Variants in CELF5 observed in about 807,000 individuals in gnomAD.
The protein encoded by CELF5 is CUGBP Elav-like family member 5.
CELF5 carries 6 observed loss-of-function variants against 54.9 expected under a neutral mutation model. The ratio of observed to expected loss-of-function variants is 0.11; its 90% confidence interval spans 0.06 to 0.22. The LOEUF (loss-of-function observed/expected upper bound fraction) is 0.22. Among genes scored for constraint, CELF5 ranks in the 10% least tolerant of loss-of-function variants. CELF5 has a pLI of 1.00. For synonymous variants in CELF5, 271 were observed against 290.9 expected, an observed-to-expected ratio of 0.93 and a Z score of 0.70; for missense variants, 401 against 678.6, an observed-to-expected ratio of 0.59 and a Z score of 4.54.
At chr19:3,270,979 C>CCCCT (rs1433541044) in intron 2 of CELF5, among the ~76,000 whole-genome samples, 1 of 151,418 alleles carries the variant, frequency 6.6e-6, no homozygotes, top group Non-Finnish European at 1.5e-5. Context: ...CCCGCGGCCG[C>CCCCT]CCCTCCCTCC....
chr19:3,237,974 A>G (rs2079440327), intron 1 of CELF5, among the ~76,000 whole-genome samples: 1 of 151,864 alleles, frequency 6.6e-6, no homozygotes, highest in African/African-American at 2.4e-5. Flanking sequence ...GCGTGAACCC[A>G]GGAGGCGGAG....
At position 3,281,288 on chromosome 19, in the gene CELF5, C is replaced by T. The variant is rs2080146781; in HGVS notation, c.693C>T (p.Gly231=). ...RRMQQMVGQL[G]ILTPSLTLPF... ...TGCAGCAGATGGTGGGCCAGCTGGG[C>T]ATCCTGACGCCGTCCCTCACATTGC... Residue 231 remains glycine (G), a synonymous_variant, in exon 6 of 13, where the codon GGC becomes GGT. Coordinates refer to ENST00000292672, the MANE Select transcript of CELF5 (RefSeq NM_021938.4). The surrounding 1 kb of genome is among the most constrained non-coding windows in gnomAD (Gnocchi z 6.5). 6.2e-7 allele frequency: 1 copy of T among 1,611,732 alleles called. No homozygotes were observed. Among genetic ancestry groups the T allele is most frequent in the Non-Finnish European group, 8.5e-7 (1 of 1,179,884 alleles).
chr19:3,277,365 C>T (rs767370550), intron 4 of CELF5, among the ~76,000 whole-genome samples: 12 of 151,982 alleles, frequency 7.9e-5, no homozygotes, highest in Non-Finnish European at 1.6e-4. Flanking sequence ...CCCAACTACT[C>T]GGGAGGTTGA....
chr19:3,232,244 G>A (rs1917304376), intron 1 of CELF5, among the ~76,000 whole-genome samples: 1 of 152,200 alleles, frequency 6.6e-6, no homozygotes, highest in Admixed American at 6.5e-5. Flanking sequence ...CAGAGCAGTT[G>A]TCAAAATTGG....
chr19:3,248,849 T>TTC (rs2079602933), intron 1 of CELF5, among the ~76,000 whole-genome samples: 3 of 132,554 alleles, frequency 2.3e-5, no homozygotes, highest in Non-Finnish European at 1.6e-5. Flanking sequence ...CTTTTTTCTT[T>TTC]CTTTCTTCCT....
intron 2 of CELF5, among the ~76,000 whole-genome samples, chr19:3,251,661 T>TG: frequency 7.5e-6 from 1 of 133,952 alleles, no homozygotes; most frequent in African/African-American, 2.7e-5. Context: ...TCTTTTTTTT[T>TG]TTTTTTTTTT....
chr19:3,271,115 C>T (rs1241669571), intron 2 of CELF5, among the ~76,000 whole-genome samples: 1 of 148,982 alleles, frequency 6.7e-6, no homozygotes, highest in African/African-American at 2.5e-5. Context: ...GGTGAATCAG[C>T]GTTGCCATGG....
chr19:3,234,085 T>G (rs1917404564), intron 1 of CELF5, among the ~76,000 whole-genome samples: 1 of 152,064 alleles, frequency 6.6e-6, no homozygotes, highest in Admixed American at 6.6e-5. Context: ...GACCCTCCAC[T>G]AGGGGGAAGG....
At chr19:3,243,943 G>A (rs1025188586) in intron 1 of CELF5, among the ~76,000 whole-genome samples, 7 of 151,946 alleles carry the variant, frequency 4.6e-5, no homozygotes, top group Non-Finnish European at 1.0e-4. Flanking sequence ...ATGACCTCAT[G>A]TTGACTAATT....
At chr19:3,285,716 T>C (rs1416614427) in intron 9 of CELF5, among the ~76,000 whole-genome samples, 2 of 75,206 alleles carry the variant, frequency 2.7e-5, no homozygotes, top group African/African-American at 5.1e-5. Context: ...CCCTCCACCA[T>C]GGCCCCGCCC....
chr19:3,234,292 T>A (rs542929791), intron 1 of CELF5, among the ~76,000 whole-genome samples: 1 of 152,186 alleles, frequency 6.6e-6, no homozygotes, highest in Admixed American at 6.5e-5. Flanking sequence ...GAGATTGGCA[T>A]CTCACTATGT....
intron 2 of CELF5, chr19:3,270,720 C>T (rs2079948498): frequency 6.6e-6 from 1 of 151,910 alleles, no homozygotes; most frequent in East Asian, 2.0e-4. Flanking sequence ...CCGCGGAGCT[C>T]GGCTTTAGAG....
At chr19:3,283,827 CATTT>C (rs1397813508) in intron 8 of CELF5, among the ~76,000 whole-genome samples, 4 of 150,464 alleles carry the variant, frequency 2.7e-5, no homozygotes, top group South Asian at 4.2e-4. Flanking sequence ...CAAATTTCAC[CATTT>C]ATTTATTTAG....
At position 3,290,563 on chromosome 19, in the gene CELF5, C is replaced by CT. The variant is rs34393788; in HGVS notation, c.1330+207dup. On this transcript the variant is annotated intron_variant, in intron 11 of 12. Transcript: ENST00000292672. ...ACTTTGTTTGTTTTGGTTTGGGTTT[C>CT]TTTTTTTTTTTTTTTTTTGAGACAG... Among the ~76,000 whole-genome samples, 396 of 126,964 alleles carry CT rather than the reference C, an allele frequency of 3.1e-3. 4 individuals carry two copies. The highest frequency in any genetic ancestry group is 8.1e-3 in the Middle Eastern group (2 of 246). The allele number at this position is 126,964 out of a possible 152,430, so 83.3% of individuals were successfully genotyped here. A position where few individuals can be genotyped will look rare whatever the true frequency, so the allele number is the denominator to read the frequency against.
intron 1 of CELF5, among the ~76,000 whole-genome samples, chr19:3,232,651 T>C (rs1313678358): frequency 4.0e-5 from 6 of 151,050 alleles, no homozygotes; most frequent in African/African-American, 1.2e-4. Flanking sequence ...GCAGTCAAAA[T>C]AGTCAACAGG....
chr19:3,272,223 G>A (rs1027192393), intron 2 of CELF5, among the ~76,000 whole-genome samples: 5 of 152,038 alleles, frequency 3.3e-5, no homozygotes, highest in African/African-American at 1.2e-4. Context: ...AAAAAAATTA[G>A]CTGGGCGTAT....
chr19:3,280,456 T>C (rs532225423), intron 5 of CELF5, among the ~76,000 whole-genome samples: 43 of 151,920 alleles, frequency 2.8e-4, no homozygotes, highest in African/African-American at 9.7e-4. Flanking sequence ...GCACCTGTAA[T>C]CCCAGCTACT....
At chr19:3,267,178 T>G (rs1458461020) in intron 2 of CELF5, among the ~76,000 whole-genome samples, 1 of 151,962 alleles carries the variant, frequency 6.6e-6, no homozygotes, top group Non-Finnish European at 1.5e-5. Context: ...AGGGGAGTGA[T>G]CCAGGTCATT....
chr19:3,259,525 C>A (rs2079778807), intron 2 of CELF5, among the ~76,000 whole-genome samples: 1 of 151,808 alleles, frequency 6.6e-6, no homozygotes, highest in Non-Finnish European at 1.5e-5. Flanking sequence ...AGAATAAGCT[C>A]CCGATGGGGT....
Sources: gnomAD v4.1 joint callset for allele counts (sites outside exome capture counted in the v4.1 genomes callset) on GRCh38, gnomAD v4.1.1 for gene constraint, Gnocchi (gnomAD v3.1) non-coding constraint, MANE v1.5 for transcripts, NCBI Gene and HGNC (gene_info 2026-07-23, HGNC 2026-07-21) for gene names.